The following OR3A3 variants were observed in gnomAD, a reference collection of about 807,000 sequenced individuals.
OR3A3 encodes olfactory receptor family 3 subfamily A member 3, also known as olfactory receptor 3A3.
For synonymous variants in OR3A3, 103 were observed against 163.9 expected (o/e 0.63, Z 2.84); for missense variants, 275 against 391.4 (o/e 0.70, Z 2.51).
chr17:3,421,411 G>A, exon 3 of OR3A3: 1 of 1,613,362 alleles, frequency 6.2e-7, no homozygotes, highest in Non-Finnish European at 8.5e-7. Flanking sequence ...CAAGGATAAG[G>A]GGGTTGGGGT....
chr17:3,415,110 A>C (rs1567583094), intron 2 of OR3A3, among the ~76,000 whole-genome samples: 2 of 152,122 alleles, frequency 1.3e-5, no homozygotes, highest in Non-Finnish European at 2.9e-5. Context: ...ATCTTACCAC[A>C]AGAATTTGCT....
At chr17:3,423,953 G>GAAAAAAAAAAAAAAAAAAAAAA (rs148900480) in exon 3 of OR3A3, 6 of 120,040 alleles carry the variant, frequency 5.0e-5, no homozygotes, top group Non-Finnish European at 6.9e-5. Context: ...CTCAAAAAAA[G>GAAAAAAAAAAAAAAAAAAAAAA]AAAAAAAAAA....
At chr17:3,413,705 C>T (rs1597375008) in intron 2 of OR3A3, among the ~76,000 whole-genome samples, 1 of 151,714 alleles carries the variant, frequency 6.6e-6, no homozygotes, top group African/African-American at 2.4e-5. Flanking sequence ...CCCAGCTGCT[C>T]GGGAGGCTGA....
exon 3 of OR3A3, chr17:3,421,678 T>C (rs2072436652): frequency 1.3e-6 from 1 of 756,846 alleles, no homozygotes; most frequent in Non-Finnish European, 2.0e-6. Flanking sequence ...GGAAACCCTA[T>C]ATAATTCATT....
At chr17:3,419,663 A>T (rs1459396042) in intron 2 of OR3A3, among the ~76,000 whole-genome samples, 1 of 152,164 alleles carries the variant, frequency 6.6e-6, no homozygotes, top group African/African-American at 2.4e-5. Flanking sequence ...TTAAAAATAA[A>T]TTATTAAAAT....
chr17:3,414,006 G>C (rs774473367), intron 2 of OR3A3, among the ~76,000 whole-genome samples: 44 of 152,108 alleles, frequency 2.9e-4, no homozygotes, highest in Non-Finnish European at 5.0e-4. Context: ...ACATCCTCTT[G>C]CTGTAGAGAC....
chr17:3,413,543 G>A (rs1262474671), intron 2 of OR3A3, among the ~76,000 whole-genome samples: 4 of 152,060 alleles, frequency 2.6e-5, no homozygotes, highest in Admixed American at 6.6e-5. Flanking sequence ...GGATGGATGC[G>A]GTGGCTCACG....
rs137914247 is a variant in OR3A3, at chr17:3,421,519, C to T, written c.934C>T (p.Arg312Ter). 2.9e-5 allele frequency: 45 copies of T among 1,526,526 alleles called. No individual in the cohort carries two copies. The highest frequency in any genetic ancestry group is 2.0e-4 in the South Asian group (15 of 76,202). The allele number at this position is 1,526,526 out of a possible 1,614,324, so 94.6% of individuals were successfully genotyped here. The change falls in exon 3 of 3, where the codon CGA becomes TGA. Residue 312 changes from arginine to a stop codon, truncating the protein, a stop_gained. Transcript: ENST00000641141. LOFTEE classifies it high-confidence loss of function. ...TCTGTGTCAGCTACTTGTGGGGAAG[C>T]GATCACTGACCTGAGAGATGACCTC... is the stretch of plus-strand genomic sequence containing the variant.
At chr17:3,421,266 T>G in exon 3 of OR3A3, 2 of 1,614,242 alleles carry the variant, frequency 1.2e-6, no homozygotes, top group Non-Finnish European at 1.7e-6. Flanking sequence ...TGGTAGCTGC[T>G]GTGCTGCAAA....
chr17:3,416,990 C>T (rs2150681009), intron 2 of OR3A3, among the ~76,000 whole-genome samples: 1 of 152,182 alleles, frequency 6.6e-6, no homozygotes, highest in South Asian at 2.1e-4. Flanking sequence ...CCTCACCCTT[C>T]CCAGCCTCCA....
At chr17:3,422,295 A>T (rs7212081) in exon 3 of OR3A3, 2 of 151,564 alleles carry the variant, frequency 1.3e-5, no homozygotes, top group South Asian at 2.1e-4. Context: ...TTAATACATA[A>T]GTGATATACC....
intron 2 of OR3A3, among the ~76,000 whole-genome samples, chr17:3,414,604 G>A (rs530848176): frequency 9.2e-5 from 14 of 152,296 alleles, no homozygotes; most frequent in East Asian, 3.9e-4. Flanking sequence ...GCAGCAATGC[G>A]ATCAGAGACC....
chr17:3,423,066 T>C (rs1204522309), exon 3 of OR3A3: 1 of 152,192 alleles, frequency 6.6e-6, no homozygotes, highest in Non-Finnish European at 1.5e-5. Flanking sequence ...TTCTTGTGAA[T>C]GAAAATCACG....
chr17:3,421,497 G>A (rs535211163), exon 3 of OR3A3: 1 of 1,542,908 alleles, frequency 6.5e-7, no homozygotes, highest in Admixed American at 2.0e-5. Context: ...AGGGCGCTCT[G>A]TGTCAGCTAC....
At chr17:3,416,481 T>C (rs972438192) in intron 2 of OR3A3, among the ~76,000 whole-genome samples, 1 of 152,110 alleles carries the variant, frequency 6.6e-6, no homozygotes, top group Non-Finnish European at 1.5e-5. Context: ...TTTCTTCTTT[T>C]ATATTCTTGA....
chr17:3,416,613 A>G (rs2072393508), intron 2 of OR3A3, among the ~76,000 whole-genome samples: 1 of 152,108 alleles, frequency 6.6e-6, no homozygotes, highest in Non-Finnish European at 1.5e-5. Context: ...TAGATTTTCT[A>G]ACTGTTCTAG....
At chr17:3,416,106 C>A (rs530738732) in intron 2 of OR3A3, among the ~76,000 whole-genome samples, 2 of 152,092 alleles carry the variant, frequency 1.3e-5, no homozygotes, top group Non-Finnish European at 2.9e-5. Flanking sequence ...GCCACTGCAC[C>A]TGGCCTACTT....
chr17:3,419,752 G>C (rs910574578), intron 2 of OR3A3, among the ~76,000 whole-genome samples: 12 of 40,876 alleles, frequency 2.9e-4, no homozygotes, highest in Admixed American at 2.6e-3. Context: ...TTTTTTTTTT[G>C]AGACGGAGTC....
chr17:3,420,851 T>C (rs1567584470), exon 3 of OR3A3: 1 of 1,480,158 alleles, frequency 6.8e-7, no homozygotes, highest in East Asian at 2.3e-5. Flanking sequence ...GGTCGTCTCT[T>C]GTCCCACAAG....
Sources: gnomAD v4.1 joint callset for allele counts (sites outside exome capture counted in the v4.1 genomes callset) on GRCh38, gnomAD v4.1.1 for gene constraint, MANE v1.5 for transcripts, NCBI Gene and HGNC (gene_info 2026-07-23, HGNC 2026-07-21) for gene names.